Variants in RELN observed in about 807,000 individuals in gnomAD.
RELN encodes the protein reelin.
RELN carries 108 observed loss-of-function variants against 427.6 expected under a neutral mutation model. The ratio of observed to expected loss-of-function variants is 0.25; its 90% CI spans 0.22 to 0.30. RELN has a LOEUF of 0.30. RELN is among the 10% of genes least tolerant of loss of function. The probability of loss-of-function intolerance (pLI) is 1.00; values close to 1 mark genes in which losing one functional copy is unlikely to be tolerated. For synonymous variants in RELN, 1,524 were observed against 1,513.4 expected (o/e 1.01, Z -0.16); for missense variants, 3,715 against 4,302.8 (o/e 0.86, Z 3.82).
chr7:103,568,144 C>A (rs1830802950), intron 31 of RELN, among the ~76,000 whole-genome samples: 1 of 152,138 alleles, frequency 6.6e-6, no homozygotes. Context: ...TATACACAAC[C>A]TTTCTGTTTC....
intron 4 of RELN, among the ~76,000 whole-genome samples, chr7:103,757,258 A>G (rs1349419409): frequency 6.6e-6 from 1 of 152,098 alleles, no homozygotes; most frequent in Non-Finnish European, 1.5e-5. Flanking sequence ...ACTGGTCCTC[A>G]TTTGTCAACT....
intron 1 of RELN, among the ~76,000 whole-genome samples, chr7:103,960,681 G>C (rs959488400): frequency 5.3e-5 from 8 of 152,184 alleles, no homozygotes; most frequent in African/African-American, 1.9e-4. Flanking sequence ...TTATATTAAA[G>C]ATACTTACAT....
intron 1 of RELN, among the ~76,000 whole-genome samples, chr7:103,947,038 C>T (rs1019871535): frequency 2.0e-5 from 3 of 152,120 alleles, no homozygotes; most frequent in Admixed American, 6.5e-5. Flanking sequence ...AGGATAATAT[C>T]CCCCCAAATG....
chr7:103,738,569 G>A lies in RELN; in HGVS notation c.657-10362C>T, dbSNP rs186752151. Reference sequence around the variant, plus strand: ...CTTTACCAGTCAACTCTCTGTCCCCGAAACAACTACTGATCTTATTTCTAT... The same window carrying A: ...CTTTACCAGTCAACTCTCTGTCCCCAAAACAACTACTGATCTTATTTCTAT... On this transcript the variant is annotated intron_variant, in intron 6 of 64. Transcript: ENST00000428762. Among the ~76,000 whole-genome samples, 35 of 149,768 alleles carry A rather than the reference G, an allele frequency of 2.3e-4. No individual in the cohort carries two copies. The East Asian group carries it at 6.6e-3, about 28-fold the overall frequency.
rs7808959 is a variant in RELN, at chr7:103,751,666, T to C, written c.577+1516A>G. ...TCTGGCCGAGACTTGGCTGGGCCAC[T>C]GCGGGTCACCAGCCTGTCTTGGCTG... On this transcript the variant is annotated intron_variant, in intron 5 of 64. Transcript: ENST00000428762. Among the ~76,000 whole-genome samples, 1,404 of 152,360 alleles carry C rather than the reference T, an allele frequency of 9.2e-3. 28 individuals carry two copies. The highest frequency in any genetic ancestry group is 0.032 in the African/African-American group (1,328 of 41,576).
intron 37 of RELN, among the ~76,000 whole-genome samples, chr7:103,557,463 C>T (rs370928051): frequency 1.3e-3 from 198 of 152,218 alleles, no homozygotes; most frequent in African/African-American, 4.4e-3. Context: ...ACAGGCATCA[C>T]GATTTTACAA....
At chr7:103,792,350 A>G (rs979080278) in intron 3 of RELN, among the ~76,000 whole-genome samples, 7 of 152,226 alleles carry the variant, frequency 4.6e-5, no homozygotes, top group African/African-American at 1.7e-4. Context: ...GCTAAATAAA[A>G]TGTGGTATAT....
chr7:103,683,383 T>TGC (rs1271196577), intron 10 of RELN, among the ~76,000 whole-genome samples: 1 of 152,218 alleles, frequency 6.6e-6, no homozygotes, highest in Admixed American at 6.5e-5. Context: ...AAGGTAATTA[T>TGC]ATTTTTAAAA....
intron 49 of RELN, among the ~76,000 whole-genome samples, chr7:103,518,373 C>T (rs1239795895): frequency 3.5e-5 from 5 of 144,880 alleles, no homozygotes; most frequent in African/African-American, 5.2e-5. Context: ...TACTCTGTCA[C>T]CCAGGCTAGA....
At chr7:103,967,724 A>G (rs563608488) in intron 1 of RELN, among the ~76,000 whole-genome samples, 82 of 152,322 alleles carry the variant, frequency 5.4e-4, no homozygotes, top group African/African-American at 1.9e-3. Flanking sequence ...TGTTCTGCTC[A>G]CTGTTCACAA....
intron 2 of RELN, among the ~76,000 whole-genome samples, chr7:103,905,466 T>C (rs1795182450): frequency 6.6e-6 from 1 of 152,166 alleles, no homozygotes; most frequent in South Asian, 2.1e-4. Context: ...TACACATATA[T>C]GGACAAATAT....
chr7:103,617,678 C>T (rs1307275056), intron 20 of RELN, among the ~76,000 whole-genome samples: 5 of 151,210 alleles, frequency 3.3e-5, no homozygotes, highest in Non-Finnish European at 5.9e-5. Flanking sequence ...AGGGTACAAT[C>T]TTTATCTACT....
At chr7:103,944,956 G>A (rs1796189746) in intron 1 of RELN, among the ~76,000 whole-genome samples, 1 of 152,002 alleles carries the variant, frequency 6.6e-6, no homozygotes, top group Non-Finnish European at 1.5e-5. Context: ...TCCCTGAGAA[G>A]TAAAAAATCC....
chr7:103,690,029 T>C (rs1833841309), intron 10 of RELN, among the ~76,000 whole-genome samples: 1 of 152,120 alleles, frequency 6.6e-6, no homozygotes, highest in Non-Finnish European at 1.5e-5. Context: ...TCATCTACTC[T>C]AGATATAAAA....
In RELN at chr7:103,948,876, G is replaced by A. The variant is rs56403327; in HGVS notation, c.227-31691C>T. Among the ~76,000 whole-genome samples the A allele has an allele frequency of 7.3e-3, 1,099 of 151,228 alleles. 3 individuals carry two copies. Among genetic ancestry groups the A allele is most frequent in the Admixed American group, 0.011 (174 of 15,158 alleles). On this transcript the variant is annotated intron_variant, in intron 1 of 64. Coordinates refer to ENST00000428762, the MANE Select transcript of RELN (RefSeq NM_005045.4). ...TAAAAATACAAAAAATTAGCCAGGCGTGGTGGTGCATGCCTGTAGTCCCAG... is the reference window on the plus strand; with the variant it reads ...TAAAAATACAAAAAATTAGCCAGGCATGGTGGTGCATGCCTGTAGTCCCAG...
intron 22 of RELN, among the ~76,000 whole-genome samples, chr7:103,607,166 GCA>G (rs1831840471): frequency 1.3e-5 from 2 of 151,880 alleles, no homozygotes; most frequent in South Asian, 4.2e-4. Context: ...AATGGGTGCA[GCA>G]CACCAACATG....
In RELN at chr7:103,503,159, G is replaced by A. The variant is rs758747803; in HGVS notation, c.8346C>T (p.Phe2782=). The A allele has an allele frequency of 5.6e-6, 9 of 1,614,018 alleles. No homozygotes were observed. Among genetic ancestry groups the A allele is most frequent in the Admixed American group, 1.7e-5 (1 of 59,996 alleles). The part of the protein sequence containing the change: ...NQIHVQYSTD[F]GVSWNYLVPQ... ...GGACCAGATAATTCCAACTCACACC[G>A]AAGTCAGTAGAATACTGCACATGAA... Residue 2782 remains phenylalanine, a synonymous_variant, in exon 52 of 65, where the codon TTC becomes TTT. Coordinates refer to ENST00000428762, the MANE Select transcript of RELN (RefSeq NM_005045.4).
chr7:103,870,865 G>A lies in RELN; in HGVS notation c.338-37193C>T, dbSNP rs916935006. Among the ~76,000 whole-genome samples, 12 of 152,132 alleles carry A rather than the reference G, an allele frequency of 7.9e-5. No homozygotes were observed. In the East Asian group the frequency reaches 2.1e-3, roughly 27 times the overall value. On this transcript the variant is annotated intron_variant, in intron 2 of 64. Coordinates refer to ENST00000428762, the MANE Select transcript of RELN (RefSeq NM_005045.4). Reference sequence around the variant, plus strand: ...CAAAGACTTCTGCAGTCCTCCTGCTGAGCGGCTCCCTCCTGGTGCCTAGCT... The same window carrying A: ...CAAAGACTTCTGCAGTCCTCCTGCTAAGCGGCTCCCTCCTGGTGCCTAGCT...
At chr7:103,621,859 TACAAAAATA>T (rs1351503412) in intron 20 of RELN, among the ~76,000 whole-genome samples, 1 of 151,886 alleles carries the variant, frequency 6.6e-6, no homozygotes, top group Admixed American at 6.6e-5. Flanking sequence ...CTACTAAAAA[TACAAAAATA>T]AGCCATGTGT....
Sources: allele counts gnomAD v4.1 joint callset (sites outside exome capture counted in the v4.1 genomes callset), GRCh38; gene constraint gnomAD v4.1.1; transcripts MANE v1.5; gene names NCBI Gene and HGNC (gene_info 2026-07-23, HGNC 2026-07-21).